Variants in MTUS2 observed in about 807,000 individuals in gnomAD.
The protein encoded by MTUS2 is microtubule associated scaffold protein 2.
In MTUS2, 40 loss-of-function variants were observed where a neutral mutation model predicts 114.1. That is an observed-to-expected ratio of 0.35 (90% CI 0.27 to 0.46). The LOEUF is 0.46. MTUS2 is among the 20% of genes least tolerant of loss of function. The pLI, the probability that MTUS2 is intolerant of heterozygous loss-of-function variation, is 1.00. For synonymous variants in MTUS2, 688 were observed against 672.0 expected (o/e 1.02, Z -0.37); for missense variants, 1,679 against 1,705.4 (o/e 0.98, Z 0.27).
intron 2 of MTUS2, among the ~76,000 whole-genome samples, chr13:29,003,590 T>C (rs1885475932): frequency 6.6e-6 from 1 of 152,246 alleles, no homozygotes; most frequent in Admixed American, 6.5e-5. Flanking sequence ...TCTAGTACTG[T>C]ATCACCAGAT....
intron 12 of MTUS2, among the ~76,000 whole-genome samples, chr13:29,493,272 G>A (rs1244859346): frequency 6.6e-6 from 1 of 152,146 alleles, no homozygotes; most frequent in African/African-American, 2.4e-5. Context: ...TCTAAGGAGA[G>A]AATGCAGGTG....
At chr13:29,341,880 A>G (rs1901418847) in intron 7 of MTUS2, among the ~76,000 whole-genome samples, 1 of 152,102 alleles carries the variant, frequency 6.6e-6, no homozygotes, top group South Asian at 2.1e-4. Context: ...CTTGCCAATT[A>G]TCTCAGCACT....
At chr13:29,350,953 TATATTTC>T (rs1167711097) in intron 7 of MTUS2, among the ~76,000 whole-genome samples, 52 of 67,002 alleles carry the variant, frequency 7.8e-4, no homozygotes, top group Non-Finnish European at 1.5e-3. Flanking sequence ...AGGGCATATA[TATATTTC>T]ATATATATAT....
rs149078489 is a variant in MTUS2 at position 29,257,207 on chromosome 13, G to A, written c.2645-24497G>A. Among the ~76,000 whole-genome samples, 316 of 152,190 alleles carry A rather than the reference G, an allele frequency of 2.1e-3. 1 individual carries two copies. Among genetic ancestry groups the A allele is most frequent in the African/African-American group, 7.3e-3 (305 of 41,508 alleles). ...ACAGCCCTAGTCATCTTTCCAAAAT[G>A]TACACATAACCATGTCAGTCCTTTA... On this transcript the variant is annotated intron_variant, in intron 5 of 15. Transcript: ENST00000612955.
At chr13:29,074,011 A>G (rs964670499) in intron 4 of MTUS2, among the ~76,000 whole-genome samples, 57 of 152,080 alleles carry the variant, frequency 3.7e-4, no homozygotes, top group African/African-American at 1.4e-3. Context: ...CTGCTCTCAG[A>G]ACACCAGGAT....
intron 5 of MTUS2, among the ~76,000 whole-genome samples, chr13:29,117,470 C>T (rs910980026): frequency 3.9e-5 from 6 of 152,188 alleles, no homozygotes; most frequent in African/African-American, 1.4e-4. Context: ...TCCCTCCCCA[C>T]CCACTCTCCT....
intron 2 of MTUS2, among the ~76,000 whole-genome samples, chr13:29,008,403 C>T (rs913664174): frequency 2.0e-5 from 3 of 152,150 alleles, no homozygotes; most frequent in Non-Finnish European, 4.4e-5. Context: ...TACTTTCCAC[C>T]GCCTTCTGTC....
intron 6 of MTUS2, among the ~76,000 whole-genome samples, chr13:29,318,219 A>G (rs1374498641): frequency 2.1e-5 from 3 of 145,648 alleles, no homozygotes; most frequent in Non-Finnish European, 4.5e-5. Flanking sequence ...TTTGCAGCCT[A>G]TTGTATGTGA....
chr13:28,984,789 C>A (rs1884505339), intron 2 of MTUS2, among the ~76,000 whole-genome samples: 1 of 152,226 alleles, frequency 6.6e-6, no homozygotes, highest in South Asian at 2.1e-4. Flanking sequence ...AGGGCTAGGG[C>A]AGCGCCCTGT....
At chr13:29,001,509 C>T (rs897263321) in intron 2 of MTUS2, among the ~76,000 whole-genome samples, 3 of 152,202 alleles carry the variant, frequency 2.0e-5, no homozygotes, top group East Asian at 3.9e-4. Flanking sequence ...ATGAGCTTGA[C>T]ATCAACTGAA....
chr13:29,205,130 G>A (rs1481005131), intron 5 of MTUS2, among the ~76,000 whole-genome samples: 1 of 152,206 alleles, frequency 6.6e-6, no homozygotes. Context: ...TCTTTGATCA[G>A]TGTGAAAATG....
chr13:29,197,056 A>G (rs1012867556), intron 5 of MTUS2, among the ~76,000 whole-genome samples: 10 of 151,904 alleles, frequency 6.6e-5, no homozygotes, highest in Admixed American at 4.6e-4. Flanking sequence ...TGGGTGTACA[A>G]TTTTTTTTAT....
At chr13:29,087,003 A>G (rs896075663) in intron 4 of MTUS2, among the ~76,000 whole-genome samples, 1 of 152,148 alleles carries the variant, frequency 6.6e-6, no homozygotes, top group Non-Finnish European at 1.5e-5. Flanking sequence ...AGCCTTCTGA[A>G]GGAGTCTTTA....
intron 8 of MTUS2, among the ~76,000 whole-genome samples, chr13:29,422,172 C>T (rs9579371): frequency 6.6e-6 from 1 of 152,152 alleles, no homozygotes; most frequent in Non-Finnish European, 1.5e-5. Context: ...AGATGGAAGG[C>T]TTCCAAATTA....
intron 6 of MTUS2, among the ~76,000 whole-genome samples, chr13:29,286,301 A>T (rs144498140): frequency 6.6e-6 from 1 of 152,228 alleles, no homozygotes; most frequent in Non-Finnish European, 1.5e-5. Flanking sequence ...ATTCACATAT[A>T]TGAAATGCTA....
chr13:29,469,119 G>T (rs1183659998), intron 9 of MTUS2, among the ~76,000 whole-genome samples: 6 of 152,210 alleles, frequency 3.9e-5, no homozygotes, highest in Non-Finnish European at 8.8e-5. Context: ...CTGGGCCCCT[G>T]AGAGGCCTGT....
chr13:28,991,841 C>T (rs1044154940), intron 2 of MTUS2, among the ~76,000 whole-genome samples: 2 of 152,132 alleles, frequency 1.3e-5, no homozygotes, highest in African/African-American at 2.4e-5. Flanking sequence ...CCCTCTGATC[C>T]TGTGTCTCAG....
chr13:29,367,148 G>A (rs953807117), intron 8 of MTUS2, among the ~76,000 whole-genome samples: 1 of 152,226 alleles, frequency 6.6e-6, no homozygotes, highest in South Asian at 2.1e-4. Context: ...AGAGTGGACT[G>A]TGAAGCCTGT....
intron 4 of MTUS2, among the ~76,000 whole-genome samples, chr13:29,062,034 G>C (rs146601718): frequency 0.01 from 1,587 of 152,248 alleles, 25 homozygotes; most frequent in African/African-American, 0.036. Flanking sequence ...GCTTAGACTT[G>C]AGTGCAATGA....
Sources: allele counts gnomAD v4.1 joint callset (sites outside exome capture counted in the v4.1 genomes callset), GRCh38; gene constraint gnomAD v4.1.1; transcripts MANE v1.5; gene names NCBI Gene and HGNC (gene_info 2026-07-23, HGNC 2026-07-21).